Variants in MEIS1 observed in about 807,000 individuals in gnomAD.
MEIS1 encodes homeobox protein Meis1.
In MEIS1, 5 loss-of-function variants were observed where a neutral mutation model predicts 50.8. The observed-to-expected ratio is 0.10, with a 90% CI of 0.05 to 0.21. The LOEUF (loss-of-function observed/expected upper bound fraction) is 0.21. MEIS1 is among the 10% of genes least tolerant of loss of function. MEIS1 has a pLI of 1.00. For missense variants in MEIS1, 318 were observed against 517.3 expected (o/e 0.61, Z 3.74); for synonymous variants, 176 against 179.3 (o/e 0.98, Z 0.15).
At chr2:66,570,649 A>T (rs1459619732) in intron 12 of MEIS1, 1 of 152,628 alleles carries the variant, frequency 6.6e-6, no homozygotes, top group Admixed American at 6.5e-5. Context: ...ATAGCAATCC[A>T]TGCAGAAGAC....
intron 7 of MEIS1, among the ~76,000 whole-genome samples, chr2:66,484,743 A>G (rs1026352098): frequency 6.6e-6 from 1 of 152,008 alleles, no homozygotes; most frequent in African/African-American, 2.4e-5. Flanking sequence ...TATTTTTGGT[A>G]GAGACAAGAT....
chr2:66,471,552 A>G (rs1330880370), intron 7 of MEIS1, among the ~76,000 whole-genome samples: 1 of 152,202 alleles, frequency 6.6e-6, no homozygotes, highest in Non-Finnish European at 1.5e-5. Flanking sequence ...AAAATTATAC[A>G]CCAATTCTTT....
intron 6 of MEIS1, among the ~76,000 whole-genome samples, chr2:66,449,468 C>T (rs532849534): frequency 1.3e-5 from 2 of 152,144 alleles, no homozygotes; most frequent in Admixed American, 6.5e-5. Flanking sequence ...GATAAAAGAA[C>T]ATCTTCACTG....
chr2:66,441,386 G>A (rs371394962), intron 4 of MEIS1, 28 bp from the exon 5 acceptor site: 175 of 1,538,292 alleles, frequency 1.1e-4, no homozygotes, highest in Non-Finnish European at 1.5e-4. Context: ...CCAGGAATGG[G>A]GTGCTTATTG....
chr2:66,567,192 A>G (rs1675369600), intron 9 of MEIS1, among the ~76,000 whole-genome samples: 1 of 152,124 alleles, frequency 6.6e-6, no homozygotes, highest in Admixed American at 6.5e-5. Flanking sequence ...CCCCATGAAA[A>G]GATGAAATGG....
chr2:66,538,394 A>T (rs750981192), intron 8 of MEIS1, among the ~76,000 whole-genome samples: 8 of 152,182 alleles, frequency 5.3e-5, no homozygotes, highest in Admixed American at 2.6e-4. Context: ...TGCCCAACAT[A>T]CAGTAAACAT....
chr2:66,493,698 C>G (rs532741848), intron 7 of MEIS1, among the ~76,000 whole-genome samples: 1 of 152,234 alleles, frequency 6.6e-6, no homozygotes, highest in South Asian at 2.1e-4. Context: ...ATGTTCCTAA[C>G]TGTCTGACTC....
At chr2:66,496,799 C>T (rs138110821) in intron 7 of MEIS1, among the ~76,000 whole-genome samples, 7 of 152,192 alleles carry the variant, frequency 4.6e-5, no homozygotes, top group South Asian at 2.1e-4. Flanking sequence ...GAGGCACACT[C>T]GGGAACGTTC....
At chr2:66,473,377 T>TAAAAAAAAAA (rs1672809161) in intron 7 of MEIS1, among the ~76,000 whole-genome samples, 6 of 47,374 alleles carry the variant, frequency 1.3e-4, no homozygotes, top group African/African-American at 1.1e-3. Flanking sequence ...AGACTCCATG[T>TAAAAAAAAAA]CAAAAAAAAA....
rs200427772 is a variant in MEIS1, at chr2:66,437,802, C to A, written c.78C>A (p.Asp26Glu). 254 of 1,613,952 alleles carry A rather than the reference C, an allele frequency of 1.6e-4. 1 individual carries two copies. The African/African-American group carries it at 3.2e-3, about 20-fold the overall frequency. Reference sequence around the variant, plus strand: ...GCATCCCCTCCACGATGTATGGGGACCCGCATGCAGCCAGGTCCATGCAGC... The same window carrying A: ...GCATCCCCTCCACGATGTATGGGGAACCGCATGCAGCCAGGTCCATGCAGC... ...GVGIPSTMYG[D>E]PHAARSMQPV... Residue 26 changes from aspartate (D) to glutamate (E), a missense_variant, in exon 2 of 13, where the codon GAC becomes GAA. By Grantham distance (45) the Asp-to-Glu change is conservative (BLOSUM62 2). This residue lies in a region of MEIS1 where 100 missense variants were observed against 107.1 expected (regional missense o/e 0.93). Coordinates refer to ENST00000272369, the MANE Select transcript of MEIS1 (RefSeq NM_002398.3).
chr2:66,457,855 C>T (rs1323799743), intron 6 of MEIS1, among the ~76,000 whole-genome samples: 1 of 152,206 alleles, frequency 6.6e-6, no homozygotes, highest in Non-Finnish European at 1.5e-5. Flanking sequence ...CTTCTCCATG[C>T]GGACCTGGAG....
intron 6 of MEIS1, chr2:66,443,519 C>T (rs749746358): frequency 4.1e-5 from 7 of 170,880 alleles, no homozygotes; most frequent in Non-Finnish European, 7.3e-5. Flanking sequence ...CAAATGCTGG[C>T]TATTTTCTCC....
intron 4 of MEIS1, 192 bp downstream of exon 4, chr2:66,440,804 A>G: frequency 3.4e-6 from 2 of 581,156 alleles, no homozygotes; most frequent in Non-Finnish European, 6.1e-6. Flanking sequence ...TCATCTCGAG[A>G]GGGGCCGGGC....
intron 8 of MEIS1, among the ~76,000 whole-genome samples, chr2:66,534,384 A>G (rs1674468825): frequency 6.6e-6 from 1 of 152,080 alleles, no homozygotes; most frequent in Non-Finnish European, 1.5e-5. Flanking sequence ...AAATATAAAA[A>G]TTAGCTCGTC....
intron 9 of MEIS1, among the ~76,000 whole-genome samples, chr2:66,558,840 A>G (rs767234573): frequency 1.4e-4 from 21 of 152,108 alleles, no homozygotes; most frequent in Non-Finnish European, 2.6e-4. Context: ...TGGAGCTAAG[A>G]TTCTTTAATA....
intron 7 of MEIS1, among the ~76,000 whole-genome samples, chr2:66,497,854 C>G (rs1338290499): frequency 6.6e-6 from 1 of 152,178 alleles, no homozygotes; most frequent in Non-Finnish European, 1.5e-5. Flanking sequence ...GTAAAAATTG[C>G]TTTCCAATGT....
intron 5 of MEIS1, among the ~76,000 whole-genome samples, chr2:66,442,199 T>C (rs371147979): frequency 6.6e-5 from 10 of 150,640 alleles, no homozygotes; most frequent in African/African-American, 2.2e-4. Flanking sequence ...TGCATGTCAG[T>C]GATGCCTGGG....
chr2:66,538,742 TAAAC>T (rs1674577771), intron 8 of MEIS1, among the ~76,000 whole-genome samples: 1 of 152,196 alleles, frequency 6.6e-6, no homozygotes, highest in Non-Finnish European at 1.5e-5. Context: ...AATCATGTAA[TAAAC>T]AAAAGTAATT....
chr2:66,547,028 C>T (rs980847399), intron 8 of MEIS1, among the ~76,000 whole-genome samples: 1 of 152,098 alleles, frequency 6.6e-6, no homozygotes, highest in Non-Finnish European at 1.5e-5. Context: ...AGAATTTTAT[C>T]TTGGGATAAT....
Sources: gnomAD v4.1 joint callset for allele counts (sites outside exome capture counted in the v4.1 genomes callset) on GRCh38, gnomAD v4.1.1 for gene constraint, gnomAD v4.1.1 regional missense constraint, MANE v1.5 for transcripts, NCBI Gene and HGNC (gene_info 2026-07-23, HGNC 2026-07-21) for gene names.